The following FANCD2OS variants were observed in gnomAD, a reference collection of about 807,000 sequenced individuals.
FANCD2OS encodes the protein FANCD2 opposite strand protein.
In FANCD2OS, 11 loss-of-function variants were observed where a neutral mutation model predicts 13.2. The ratio of observed to expected loss-of-function variants is 0.83; its 90% CI spans 0.52 to 1.38. The LOEUF (loss-of-function observed/expected upper bound fraction) is 1.38, where lower values mean the gene tolerates loss of function less well. Ranked by LOEUF, FANCD2OS falls within the 40% of genes most tolerant of loss-of-function variation. FANCD2OS has a pLI of 0.00. For missense variants in FANCD2OS, 217 were observed against 213.9 expected (o/e 1.01, Z -0.09); for synonymous variants, 69 against 84.5 (o/e 0.82, Z 1.01).
upstream of FANCD2OS, among the ~76,000 whole-genome samples, chr3:10,108,448 G>T (rs548627994): frequency 3.3e-5 from 5 of 152,276 alleles, no homozygotes; most frequent in African/African-American, 1.2e-4. Context: ...CTTCAGGAGG[G>T]CTGGTCCGAA....
intron 1 of FANCD2OS, among the ~76,000 whole-genome samples, chr3:10,105,354 CTAATGA>C (rs747870900): frequency 7.2e-5 from 11 of 152,130 alleles, no homozygotes; most frequent in Non-Finnish European, 1.2e-4. Flanking sequence ...TTGTTAGCTG[CTAATGA>C]CAGAGTCTTT....
intron 2 of FANCD2OS, chr3:10,092,354 T>C: frequency 1.1e-6 from 1 of 891,544 alleles, no homozygotes; most frequent in South Asian, 1.3e-5. Context: ...CCACTCTTCC[T>C]TGGGGCCTGC....
Position 10,088,796 on chromosome 3 carries a change from T to C in FANCD2OS, c.*44-7265A>G, listed in dbSNP as rs777042522. On this transcript the variant is annotated intron_variant, in intron 2 of 2. Transcript: ENST00000524279. ...CTGTAGTTGTATTCTACTTTGTTAATTAGTGGGTCAAATATTTGACTCTCA... is the reference window on the plus strand; with the variant it reads ...CTGTAGTTGTATTCTACTTTGTTAACTAGTGGGTCAAATATTTGACTCTCA... 10 of 1,612,174 alleles carry C rather than the reference T, an allele frequency of 6.2e-6. No individual in the cohort carries two copies. The Admixed American group carries it at 1.2e-4, about 19-fold the overall frequency.
chr3:10,090,149 C>T (rs1694498898), intron 2 of FANCD2OS: 10 of 665,000 alleles, frequency 1.5e-5, no homozygotes, highest in Middle Eastern at 3.9e-4. Context: ...GTCCTTTCCG[C>T]TCCCCCATCC....
chr3:10,103,925 T>C (rs368439169), downstream of FANCD2OS: 2 of 264,760 alleles, frequency 7.6e-6, no homozygotes, highest in African/African-American at 4.4e-5. Flanking sequence ...TCATTGTGGT[T>C]GTAGGTGTTT....
At chr3:10,091,989 A>T (rs930767291) in intron 2 of FANCD2OS, among the ~76,000 whole-genome samples, 4 of 152,182 alleles carry the variant, frequency 2.6e-5, no homozygotes, top group Non-Finnish European at 5.9e-5. Context: ...TGTCCCTATG[A>T]GGTGTTCTAA....
At chr3:10,103,129 G>A (rs890665317), downstream of FANCD2OS, 10 of 432,916 alleles carry the variant, frequency 2.3e-5, no homozygotes, top group East Asian at 7.6e-5. Flanking sequence ...ATGGCCGGGC[G>A]CAGTGGCTCA....
intron 2 of FANCD2OS, among the ~76,000 whole-genome samples, chr3:10,087,605 G>A (rs1188436477): frequency 6.6e-6 from 1 of 151,808 alleles, no homozygotes; most frequent in African/African-American, 2.4e-5. Flanking sequence ...AAATAAAGGA[G>A]AAATCAGGGT....
chr3:10,101,496 C>T, downstream of FANCD2OS: 2 of 483,128 alleles, frequency 4.1e-6, no homozygotes, highest in East Asian at 3.5e-5. Flanking sequence ...AGCGATTCTC[C>T]TGCCTCAGCC....
downstream of FANCD2OS, among the ~76,000 whole-genome samples, chr3:10,102,454 C>T (rs1263004984): frequency 1.3e-5 from 2 of 152,002 alleles, no homozygotes; most frequent in Admixed American, 1.3e-4. Flanking sequence ...ACTTCAATTT[C>T]TTGTCAGTGC....
downstream of FANCD2OS, chr3:10,101,590 C>T (rs58275763): frequency 0.19 from 68,908 of 371,728 alleles, 7,540 homozygotes; most frequent in African/African-American, 0.35. Context: ...TTTACCATGT[C>T]GGCCAGATGG....
chr3:10,081,723 T>C (rs1190947412), intron 2 of FANCD2OS, among the ~76,000 whole-genome samples: 1 of 152,194 alleles, frequency 6.6e-6, no homozygotes, highest in Non-Finnish European at 1.5e-5. Flanking sequence ...GGCCATCTGT[T>C]CCTTAGTCCA....
At chr3:10,103,005 C>T (rs775327690), downstream of FANCD2OS, 1 of 410,474 alleles carries the variant, frequency 2.4e-6, no homozygotes. Context: ...CGCTGTAATC[C>T]CAACACTTTG....
chr3:10,082,700 C>T (rs779366532), intron 2 of FANCD2OS, among the ~76,000 whole-genome samples: 1 of 152,168 alleles, frequency 6.6e-6, no homozygotes, highest in Non-Finnish European at 1.5e-5. Flanking sequence ...GAGATCTGAA[C>T]TTAAGCATCC....
At chr3:10,083,104 G>A (rs1693946294) in intron 2 of FANCD2OS, among the ~76,000 whole-genome samples, 2 of 152,138 alleles carry the variant, frequency 1.3e-5, no homozygotes, top group African/African-American at 4.8e-5. Flanking sequence ...GCATGCATCT[G>A]TAGTCCCAGC....
intron 2 of FANCD2OS, among the ~76,000 whole-genome samples, chr3:10,091,815 C>G (rs1694627948): frequency 6.6e-6 from 1 of 152,200 alleles, no homozygotes; most frequent in Non-Finnish European, 1.5e-5. Context: ...GCAACTACCA[C>G]CGGGTGCAGT....
chr3:10,085,915 C>G, intron 2 of FANCD2OS: 5 of 1,607,512 alleles, frequency 3.1e-6, no homozygotes, highest in Non-Finnish European at 4.3e-6. Flanking sequence ...TTTGGAGGAA[C>G]TACTCAGGTG....
downstream of FANCD2OS, chr3:10,098,853 G>C (rs142378663): frequency 9.9e-6 from 16 of 1,614,074 alleles, no homozygotes; most frequent in African/African-American, 2.7e-5. Flanking sequence ...GGCACTGATG[G>C]TTGCATTTTG....
rs1274827880 is a variant in FANCD2OS, at chr3:10,088,956, G to T, written c.*44-7425C>A. 3.2e-5 allele frequency: 51 copies of T among 1,613,820 alleles called. No homozygotes were observed. Among genetic ancestry groups the T allele is most frequent in the Non-Finnish European group, 4.2e-5 (49 of 1,179,950 alleles). ...ACATTCCCTACACTGACCAGGTAAG[G>T]GAGTTCTTTCCTCCAGTTTTTCCCT... On this transcript the variant is annotated intron_variant, in intron 2 of 2. Coordinates refer to the FANCD2OS transcript ENST00000524279.
Sources: gnomAD v4.1 joint callset for allele counts (sites outside exome capture counted in the v4.1 genomes callset) on GRCh38, gnomAD v4.1.1 for gene constraint, MANE v1.5 for transcripts, NCBI Gene and HGNC (gene_info 2026-07-23, HGNC 2026-07-21) for gene names.